Variants in CDIN1 observed in about 807,000 individuals in gnomAD.
CDIN1 encodes CDAN1-interacting nuclease 1.
A neutral mutation model predicts 45.3 loss-of-function variants in CDIN1; 33 were observed. That is an observed-to-expected ratio of 0.73 (90% CI 0.55 to 0.97). The LOEUF is 0.97. Among genes scored for constraint, CDIN1 ranks in the 50% least tolerant of loss-of-function variants. The pLI is 0.00. For missense variants in CDIN1, 303 were observed against 339.4 expected (o/e 0.89, Z 0.84); for synonymous variants, 118 against 124.4 (o/e 0.95, Z 0.34).
chr15:36,754,978 T>G (rs2053572100), intron 10 of CDIN1, among the ~76,000 whole-genome samples: 1 of 152,174 alleles, frequency 6.6e-6, no homozygotes, highest in Non-Finnish European at 1.5e-5. Context: ...TTCTTATTGT[T>G]TGATTTCTGT....
intron 1 of CDIN1, among the ~76,000 whole-genome samples, chr15:36,642,378 C>T (rs1464007000): frequency 6.6e-6 from 1 of 152,166 alleles, no homozygotes; most frequent in African/African-American, 2.4e-5. Context: ...CCGAATCTGT[C>T]TTTCTGTTGT....
rs1181845896 is a variant in CDIN1, at chr15:36,654,156, G to T, written c.271G>T (p.Glu91Ter). Residue 91 changes from glutamate (E) to a stop codon, truncating the protein, a stop_gained and splice_region_variant, in exon 4 of 11, where the codon GAG becomes TAG. Coordinates refer to ENST00000566621, the MANE Select transcript of CDIN1 (RefSeq NM_001321759.2). LOFTEE classifies it high-confidence loss of function. Reference sequence around the variant, plus strand: ...CCCAGTGCTCCTGGACCTGGCCAATGAGGTAATGTTATTGTTATGATTTTA... The same window carrying T: ...CCCAGTGCTCCTGGACCTGGCCAATTAGGTAATGTTATTGTTATGATTTTA... ...AAPVLLDLAN[E>*]VDYAPSLMAR... is the part of the protein sequence containing the mutation. 2 of 1,567,610 alleles carry T rather than the reference G, an allele frequency of 1.3e-6. No individual in the cohort carries two copies. The highest frequency in any genetic ancestry group is 1.2e-5 in the South Asian group (1 of 85,318).
intron 10 of CDIN1, among the ~76,000 whole-genome samples, chr15:36,716,115 A>G (rs893859467): frequency 1.8e-4 from 28 of 152,188 alleles, no homozygotes; most frequent in African/African-American, 5.8e-4. Flanking sequence ...GGGAATGTCA[A>G]TGAATTATAG....
rs5811928 is a variant in CDIN1, at chr15:36,722,303, A to ATCTCTCTCTCTCTCTCTCTC, written c.716+12359_716+12378dup. On this transcript the variant is annotated intron_variant, in intron 10 of 10. Transcript: ENST00000566621. ...GTCCTTCAGGTTACTTTCTTTTGAGATCTCTCTCTCTCTCTCTCTCTCTCT... is the reference window on the plus strand; with the variant it reads ...GTCCTTCAGGTTACTTTCTTTTGAGATCTCTCTCTCTCTCTCTCTCTCTCTCTCTCTCTCTCTCTCTCTCT... Among the ~76,000 whole-genome samples, 443 of 140,714 alleles carry ATCTCTCTCTCTCTCTCTCTC rather than the reference A, an allele frequency of 3.1e-3. 8 individuals are homozygous for ATCTCTCTCTCTCTCTCTCTC. Among genetic ancestry groups the ATCTCTCTCTCTCTCTCTCTC allele is most frequent in the African/African-American group, 0.011 (381 of 36,058 alleles). 92.3% of individuals were successfully genotyped at this position (140,714 alleles called of 152,430 possible). A position where few individuals can be genotyped will look rare whatever the true frequency, so the allele number is the denominator to read the frequency against.
intron 5 of CDIN1, among the ~76,000 whole-genome samples, chr15:36,661,998 T>C (rs1595438343): frequency 6.6e-6 from 1 of 152,158 alleles, no homozygotes; most frequent in South Asian, 2.1e-4. Context: ...TATAATAAAA[T>C]TGTAAATCGA....
intron 10 of CDIN1, among the ~76,000 whole-genome samples, chr15:36,805,841 A>G (rs1371255014): frequency 1.3e-5 from 2 of 152,166 alleles, no homozygotes; most frequent in African/African-American, 4.8e-5. Context: ...CTGCCATTAA[A>G]TTTCCAAACT....
chr15:36,582,539 A>T (rs2037095712), intron 1 of CDIN1, among the ~76,000 whole-genome samples: 1 of 152,092 alleles, frequency 6.6e-6, no homozygotes, highest in African/African-American at 2.4e-5. Flanking sequence ...TGGCAGTTTT[A>T]CTCACCATTG....
At chr15:36,771,426 G>A (rs542199374) in intron 10 of CDIN1, among the ~76,000 whole-genome samples, 1 of 152,286 alleles carries the variant, frequency 6.6e-6, no homozygotes, top group South Asian at 2.1e-4. Context: ...CTGATAGCTG[G>A]TCCTACCCTT....
chr15:36,685,591 G>A (rs183331945), intron 5 of CDIN1, among the ~76,000 whole-genome samples: 240 of 152,222 alleles, frequency 1.6e-3, no homozygotes, highest in African/African-American at 5.6e-3. Flanking sequence ...CTTCTGTACA[G>A]CAAAAGAAAC....
In CDIN1 at chr15:36,749,615, T is replaced by G. The variant is rs140267233; in HGVS notation, c.716+39654T>G. Among the ~76,000 whole-genome samples the G allele has an allele frequency of 4.3e-4, 66 of 152,288 alleles. No homozygotes were observed. In the East Asian group the frequency reaches 0.012, roughly 28 times the overall value. On this transcript the variant is annotated intron_variant, in intron 10 of 10. Transcript: ENST00000566621. ...TCTGCCGCTAGATCGGATCTGAACA[T>G]TAGGAATGGGATGCTATTGCATCAG...
At chr15:36,738,820 G>A (rs1012151033) in intron 10 of CDIN1, among the ~76,000 whole-genome samples, 1 of 152,114 alleles carries the variant, frequency 6.6e-6, no homozygotes, top group Non-Finnish European at 1.5e-5. Flanking sequence ...TAGGATAAAA[G>A]TTTCACAAGG....
intron 1 of CDIN1, among the ~76,000 whole-genome samples, chr15:36,604,427 A>ACACG (rs2038261366): frequency 6.6e-6 from 1 of 150,528 alleles, no homozygotes; most frequent in Non-Finnish European, 1.5e-5. Flanking sequence ...GTACACACAC[A>ACACG]CACACACACA....
intron 10 of CDIN1, among the ~76,000 whole-genome samples, chr15:36,772,335 A>C (rs776750612): frequency 1.3e-5 from 2 of 152,184 alleles, no homozygotes; most frequent in African/African-American, 2.4e-5. Context: ...ATATGAATAC[A>C]TTTGATTGCA....
intron 10 of CDIN1, among the ~76,000 whole-genome samples, chr15:36,748,259 CTG>C (rs2044517596): frequency 1.3e-5 from 2 of 152,216 alleles, no homozygotes; most frequent in South Asian, 4.1e-4. Context: ...TGGAAAGTAT[CTG>C]TAAGTAAACC....
chr15:36,660,576 C>T (rs1319666481), intron 5 of CDIN1, among the ~76,000 whole-genome samples: 1 of 151,958 alleles, frequency 6.6e-6, no homozygotes, highest in Non-Finnish European at 1.5e-5. Context: ...GTTTCTCACG[C>T]GATAATTTTT....
intron 10 of CDIN1, among the ~76,000 whole-genome samples, chr15:36,759,744 C>A (rs1665413292): frequency 6.6e-6 from 1 of 152,126 alleles, no homozygotes; most frequent in Non-Finnish European, 1.5e-5. Context: ...ACTGGGGAGG[C>A]TTCCAGAAAC....
chr15:36,645,618 T>C (rs1053646055), intron 3 of CDIN1, among the ~76,000 whole-genome samples: 2 of 151,988 alleles, frequency 1.3e-5, no homozygotes, highest in African/African-American at 4.8e-5. Flanking sequence ...CCTGTCTAAA[T>C]GCATATGCTC....
chr15:36,697,385 TC>T lies in CDIN1; in HGVS notation c.541del (p.Leu181Ter), dbSNP rs779081239. The T allele has an allele frequency of 3.7e-6, 6 of 1,611,236 alleles. No individual in the cohort carries two copies. Among genetic ancestry groups the T allele is most frequent in the Non-Finnish European group, 5.1e-6 (6 of 1,178,468 alleles). On this transcript the variant is annotated frameshift_variant, in exon 8 of 11. Transcript: ENST00000566621. LOFTEE classifies it high-confidence loss of function. The stretch of plus-strand genomic sequence containing the variant: ...TTGCTTCTAGAGAAAAACCTGTCCT[TC>T]CTAGGTAAGTATTATTCACATCTTC... ...RDLLLEKNLS[F>X]LDEDQLRAKG...
At chr15:36,643,486 A>G (rs2040191551) in intron 1 of CDIN1, among the ~76,000 whole-genome samples, 2 of 152,260 alleles carry the variant, frequency 1.3e-5, no homozygotes, top group African/African-American at 2.4e-5. Context: ...TCAAGATACG[A>G]TAAGTTAGAC....
Sources: gnomAD v4.1 joint callset for allele counts (sites outside exome capture counted in the v4.1 genomes callset) on GRCh38, gnomAD v4.1.1 for gene constraint, MANE v1.5 for transcripts, NCBI Gene and HGNC (gene_info 2026-07-23, HGNC 2026-07-21) for gene names.